ATL1: variants seen among roughly 807,000 people sequenced by gnomAD.
ATL1 encodes atlastin-1.
A neutral mutation model predicts 75.5 loss-of-function variants in ATL1; 31 were observed. The observed-to-expected ratio is 0.41, with a 90% CI of 0.31 to 0.55. The LOEUF (loss-of-function observed/expected upper bound fraction) is 0.55. Ranked by LOEUF, ATL1 falls within the 20% of genes least tolerant of loss-of-function variation. The pLI is 0.27. For synonymous variants in ATL1, 226 were observed against 233.3 expected, an observed-to-expected ratio of 0.97 and a Z score of 0.28; for missense variants, 405 against 662.6, an observed-to-expected ratio of 0.61 and a Z score of 4.27.
rs2039540496 is a variant in ATL1 at position 50,628,189 on chromosome 14, T to G, written c.1278T>G (p.Asp426Glu). ...RYLQQLESEI[D>E]ELYIQYIKHN... is the part of the protein sequence containing the mutation. Reference sequence around the variant, plus strand: ...TGCAGCAGTTGGAGAGTGAAATAGATGAACTTTACATCCAATATATCAAGC... The same window carrying G: ...TGCAGCAGTTGGAGAGTGAAATAGAGGAACTTTACATCCAATATATCAAGC... The change falls in exon 12 of 14, where the codon GAT becomes GAG. Residue 426 changes from aspartate to glutamate, a missense_variant. By Grantham distance (45) the Asp-to-Glu change is conservative. Transcript: ENST00000358385. The G allele has an allele frequency of 6.2e-7, 1 of 1,614,060 alleles. No homozygotes were observed. The highest frequency in any genetic ancestry group is 8.5e-7 in the Non-Finnish European group (1 of 1,180,032).
chr14:50,623,216 G>T lies in ATL1; in HGVS notation c.1087G>T (p.Ala363Ser), dbSNP rs1288875857. The part of the protein sequence containing the change: ...EANNLAAVAT[A>S]KDTYNKKMEE... ...TAACAATTTAGCAGCCGTGGCAACT[G>T]CCAAGGACACATACAACAAAAAAAT... Residue 363 changes from alanine (A) to serine (S), a missense_variant, in exon 11 of 14, where the codon GCC becomes TCC. Transcript: ENST00000358385. 6.2e-7 allele frequency: 1 copy of T among 1,613,838 alleles called. No individual in the cohort carries two copies. The highest frequency in any genetic ancestry group is 8.5e-7 in the Non-Finnish European group (1 of 1,179,880).
At chr14:50,583,039 C>T (rs149702600) in intron 1 of ATL1, among the ~76,000 whole-genome samples, 60 of 152,254 alleles carry the variant, frequency 3.9e-4, no homozygotes, top group African/African-American at 1.4e-3. Context: ...TAGTAAACTA[C>T]ACATAGAATT....
intron 1 of ATL1, chr14:50,560,537 C>T (rs2038826220): frequency 1.8e-6 from 1 of 569,482 alleles, no homozygotes; most frequent in Non-Finnish European, 3.1e-6. Context: ...GGGCCTCCAG[C>T]TCCTTCTTCC....
chr14:50,547,315 G>T (rs2038646023), intron 1 of ATL1, among the ~76,000 whole-genome samples: 1 of 152,086 alleles, frequency 6.6e-6, no homozygotes, highest in Non-Finnish European at 1.5e-5. Context: ...ATGTCTGAGT[G>T]ATTTCCAGTT....
At chr14:50,563,059 A>G (rs964236126) in intron 1 of ATL1, among the ~76,000 whole-genome samples, 3 of 152,248 alleles carry the variant, frequency 2.0e-5, no homozygotes, top group Non-Finnish European at 4.4e-5. Flanking sequence ...GTTTGAATTC[A>G]GATTCCTTTA....
chr14:50,546,473 AAGTAAAT>A (rs1227114683), intron 1 of ATL1, among the ~76,000 whole-genome samples: 6 of 152,170 alleles, frequency 3.9e-5, no homozygotes, highest in Non-Finnish European at 5.9e-5. Flanking sequence ...CTTGGCTTAT[AAGTAAAT>A]GAGTACTCAC....
In ATL1 at chr14:50,541,621, T is replaced by C. The variant is rs79134350; in HGVS notation, c.-140+8254T>C. On this transcript the variant is annotated intron_variant, in intron 1 of 13. Transcript: ENST00000441560. The stretch of plus-strand genomic sequence containing the variant: ...CTATGATGCAAGCTGCCCTGACACT[T>C]AGGCTTTAGGATTCAGCAGACCCAA... Among the ~76,000 whole-genome samples, 1,208 of 152,268 alleles carry C rather than the reference T, an allele frequency of 7.9e-3. 9 individuals carry two copies. The highest frequency in any genetic ancestry group is 0.027 in the African/African-American group (1,129 of 41,546).
At chr14:50,579,873 C>T (rs2039040108) in intron 1 of ATL1, among the ~76,000 whole-genome samples, 1 of 152,050 alleles carries the variant, frequency 6.6e-6, no homozygotes, top group African/African-American at 2.4e-5. Context: ...GACTTTTCCC[C>T]ACCTACCCAC....
intron 8 of ATL1, among the ~76,000 whole-genome samples, chr14:50,617,604 A>G (rs1359943499): frequency 1.6e-4 from 24 of 152,238 alleles, no homozygotes; most frequent in Admixed American, 1.4e-3. Context: ...TGGAGTTCTT[A>G]TAAAGCATAC....
chr14:50,580,859 T>G (rs1352798337), intron 1 of ATL1, among the ~76,000 whole-genome samples: 1 of 152,154 alleles, frequency 6.6e-6, no homozygotes. Flanking sequence ...AGGTTTTAAA[T>G]TATGAATTTA....
intron 4 of ATL1, among the ~76,000 whole-genome samples, chr14:50,592,758 A>G (rs2039171791): frequency 6.6e-6 from 1 of 150,834 alleles, no homozygotes; most frequent in African/African-American, 2.4e-5. Context: ...AAAAATACAA[A>G]AAATTAGCCG....
At chr14:50,581,071 T>G (rs539709254) in intron 1 of ATL1, among the ~76,000 whole-genome samples, 1 of 151,920 alleles carries the variant, frequency 6.6e-6, no homozygotes, top group Non-Finnish European at 1.5e-5. Flanking sequence ...TGTGGGTTTT[T>G]TCTCTTATTT....
At chr14:50,586,637 A>G (rs1434051362) in intron 1 of ATL1, among the ~76,000 whole-genome samples, 2 of 152,170 alleles carry the variant, frequency 1.3e-5, no homozygotes, top group South Asian at 2.1e-4. Context: ...TTCTGTTCTT[A>G]TGATATAAAG....
At chr14:50,603,978 G>A (rs539774035) in intron 6 of ATL1, among the ~76,000 whole-genome samples, 2 of 152,210 alleles carry the variant, frequency 1.3e-5, no homozygotes, top group South Asian at 2.1e-4. Context: ...CTACATTTAG[G>A]TACCTGAAAT....
chr14:50,615,158 A>C (rs2039402799), intron 8 of ATL1, among the ~76,000 whole-genome samples: 1 of 152,228 alleles, frequency 6.6e-6, no homozygotes, highest in Non-Finnish European at 1.5e-5. Context: ...GAGGAAATGG[A>C]AGTTAATCTT....
upstream of ATL1, among the ~76,000 whole-genome samples, chr14:50,555,237 G>A (rs1260532932): frequency 2.0e-5 from 3 of 151,716 alleles, no homozygotes; most frequent in Admixed American, 2.0e-4. Flanking sequence ...GATGGAAGAA[G>A]GCATGAAGAA....
Position 50,628,124 on chromosome 14 carries a change from G to A in ATL1, c.1213G>A (p.Val405Met), listed in dbSNP as rs201240362. The change falls in exon 12 of 14, where the codon GTG becomes ATG. Residue 405 changes from valine (V) to methionine (M), a missense_variant. Coordinates refer to ENST00000358385, the MANE Select transcript of ATL1 (RefSeq NM_015915.5). Reference sequence around the variant, plus strand: ...AGAATCTGTGAAGCTATTCCGAGGGGTGAAGAAGATGGGTGGGGAAGAATT... The same window carrying A: ...AGAATCTGTGAAGCTATTCCGAGGGATGAAGAAGATGGGTGGGGAAGAATT... ...KEESVKLFRG[V>M]KKMGGEEFSR... 50 of 1,614,186 alleles carry A rather than the reference G, an allele frequency of 3.1e-5. No individual in the cohort carries two copies. Among genetic ancestry groups the A allele is most frequent in the African/African-American group, 9.3e-5 (7 of 75,058 alleles).
chr14:50,624,695 A>G lies in ATL1; in HGVS notation c.1119+1447A>G, dbSNP rs150051689. Among the ~76,000 whole-genome samples, 255 of 152,230 alleles carry G rather than the reference A, an allele frequency of 1.7e-3. 1 individual carries two copies. The highest frequency in any genetic ancestry group is 5.7e-3 in the African/African-American group (237 of 41,588). On this transcript the variant is annotated intron_variant, in intron 11 of 13. Coordinates refer to ENST00000358385, the MANE Select transcript of ATL1 (RefSeq NM_015915.5). ...TGAGGAAGGCATATGAAAAGCTGAC[A>G]TAGGCCAAAAGCTAGGCCTTTGCAC...
intron 1 of ATL1, among the ~76,000 whole-genome samples, chr14:50,548,994 G>A (rs879839970): frequency 5.3e-5 from 8 of 152,302 alleles, no homozygotes; most frequent in South Asian, 2.1e-4. Context: ...CTCTGGGGTG[G>A]CACAATTACA....
Sources: gnomAD v4.1 joint callset for allele counts (sites outside exome capture counted in the v4.1 genomes callset) on GRCh38, gnomAD v4.1.1 for gene constraint, MANE v1.5 for transcripts, NCBI Gene and HGNC (gene_info 2026-07-23, HGNC 2026-07-21) for gene names.